Variants in AGAP1 observed in about 807,000 individuals in gnomAD.
AGAP1 encodes the protein ArfGAP with GTPase domain, ankyrin repeat and PH domain 1.
Under a neutral mutation model 105.3 loss-of-function variants are expected in AGAP1, and 29 were observed. The ratio of observed to expected loss-of-function variants is 0.28; its 90% confidence interval spans 0.21 to 0.38. The LOEUF (loss-of-function observed/expected upper bound fraction) is 0.38. Among genes scored for constraint, AGAP1 ranks in the 10% least tolerant of loss-of-function variants. AGAP1 has a pLI of 1.00. For missense variants in AGAP1, 998 were observed against 1,165.1 expected, an observed-to-expected ratio of 0.86 and a Z score of 2.09; for synonymous variants, 509 against 485.9, an observed-to-expected ratio of 1.05 and a Z score of -0.63.
intron 1 of AGAP1, among the ~76,000 whole-genome samples, chr2:235,661,427 G>C (rs1190510707): frequency 6.6e-6 from 1 of 152,046 alleles, no homozygotes; most frequent in Admixed American, 6.5e-5. Flanking sequence ...AGGACATTGA[G>C]GGAGCTCTGA....
At chr2:236,039,054 AC>A (rs1254044868) in intron 14 of AGAP1, among the ~76,000 whole-genome samples, 29 of 152,344 alleles carry the variant, frequency 1.9e-4, no homozygotes, top group East Asian at 1.5e-3. Context: ...AAGAATTCTT[AC>A]GCAAAAATCA....
At chr2:235,704,122 C>T (rs2149489044) in intron 1 of AGAP1, among the ~76,000 whole-genome samples, 1 of 152,302 alleles carries the variant, frequency 6.6e-6, no homozygotes, top group South Asian at 2.1e-4. Context: ...CTGGGATGGG[C>T]AGGGCCAGGT....
chr2:235,998,917 T>C (rs191630928), intron 13 of AGAP1, among the ~76,000 whole-genome samples: 1 of 149,180 alleles, frequency 6.7e-6, no homozygotes, highest in East Asian at 2.0e-4. Context: ...ATGACGATGA[T>C]AGTATGATGA....
At chr2:236,086,574 T>C (rs538355353) in intron 16 of AGAP1, among the ~76,000 whole-genome samples, 10 of 152,362 alleles carry the variant, frequency 6.6e-5, no homozygotes, top group African/African-American at 2.4e-4. Context: ...TAGCTGGAAG[T>C]CTCATCCAAA....
At chr2:235,512,016 A>C (rs969730333) in intron 1 of AGAP1, among the ~76,000 whole-genome samples, 1 of 74,338 alleles carries the variant, frequency 1.3e-5, no homozygotes. Context: ...GACTGTGTGA[A>C]TGTGTGAGGT....
intron 16 of AGAP1, among the ~76,000 whole-genome samples, chr2:236,068,685 A>T (rs1238355672): frequency 6.7e-6 from 1 of 149,186 alleles, no homozygotes; most frequent in African/African-American, 2.5e-5. Context: ...CTGTAGTCCC[A>T]GCTACTCAGG....
In AGAP1 at chr2:235,955,792, C is replaced by T. The variant is rs533651671; in HGVS notation, c.1484-12670C>T. On this transcript the variant is annotated intron_variant, in intron 12 of 17. Transcript: ENST00000304032. ...AGTAGATAAGAGCAGGGATGTACTT[C>T]GAAGCAGCGGCCTGAGTTTGGTGTA... Among the ~76,000 whole-genome samples the T allele has an allele frequency of 8.5e-5, 13 of 152,206 alleles. No homozygotes were observed. In the East Asian group the frequency reaches 1.2e-3, roughly 14 times the overall value.
Position 236,089,454 on chromosome 2 carries a change from G to A in AGAP1, c.2115-30738G>A, listed in dbSNP as rs542393360. ...GAGATAAAGCGCCTACTAGGCTGCC[G>A]GGTACTGGCAGAAGAGAGTGAGCGT... On this transcript the variant is annotated intron_variant, in intron 16 of 17. Transcript: ENST00000304032. This position sits in a 1 kb window ranked among gnomAD's most constrained non-coding sequence, Gnocchi z 5.6. Among the ~76,000 whole-genome samples the A allele has an allele frequency of 4.6e-5, 7 of 152,310 alleles. No homozygotes were observed. In the South Asian group the frequency reaches 1.2e-3, roughly 27 times the overall value.
chr2:235,989,836 C>G lies in AGAP1; in HGVS notation c.1645+21213C>G, dbSNP rs910982258. Among the ~76,000 whole-genome samples the G allele has an allele frequency of 6.6e-6, 1 of 152,028 alleles. No individual in the cohort carries two copies. Among genetic ancestry groups the G allele is most frequent in the African/African-American group, 2.4e-5 (1 of 41,378 alleles). On this transcript the variant is annotated intron_variant, in intron 13 of 17. Coordinates refer to ENST00000304032, the MANE Select transcript of AGAP1 (RefSeq NM_001037131.3). The surrounding 1 kb of genome is among the most constrained non-coding windows in gnomAD (Gnocchi z 4.4). ...AGCAGCTCACAGGGAGGGACAGCCT[C>G]GGAAGAGGAAATCCATGCGTCTTCC...
Position 235,729,562 on chromosome 2 carries a change from T to G in AGAP1, c.311-11401T>G, listed in dbSNP as rs1951831430. Among the ~76,000 whole-genome samples the G allele has an allele frequency of 6.6e-6, 1 of 152,124 alleles. No individual in the cohort carries two copies. The highest frequency in any genetic ancestry group is 2.4e-5 in the African/African-American group (1 of 41,394). On this transcript the variant is annotated intron_variant, in intron 3 of 17. Transcript: ENST00000304032. The surrounding 1 kb of genome is among the most constrained non-coding windows in gnomAD (Gnocchi z 5.0). ...GAGAGGCTGGACCGGGTCTTGGTGC[T>G]TTCCAGCTCAGGGCGTTGGTCCACT...
In AGAP1 at chr2:235,875,660, T is replaced by C. The variant is rs2049689902; in HGVS notation, c.1051-7685T>C. Reference sequence around the variant, plus strand: ...GCTTTCCCGGGAGTGTGTGGTCTCCTGTTTCCCATCTGCATTTGCTTATGG... The same window carrying C: ...GCTTTCCCGGGAGTGTGTGGTCTCCCGTTTCCCATCTGCATTTGCTTATGG... On this transcript the variant is annotated intron_variant, in intron 9 of 17. Coordinates refer to ENST00000304032, the MANE Select transcript of AGAP1 (RefSeq NM_001037131.3). The surrounding 1 kb of genome is among the most constrained non-coding windows in gnomAD (Gnocchi z 4.0). Among the ~76,000 whole-genome samples the C allele has an allele frequency of 6.6e-6, 1 of 152,174 alleles. No homozygotes were observed. Among genetic ancestry groups the C allele is most frequent in the Admixed American group, 6.5e-5 (1 of 15,284 alleles).
intron 1 of AGAP1, among the ~76,000 whole-genome samples, chr2:235,603,317 CTT>C (rs772075777): frequency 1.3e-5 from 2 of 152,184 alleles, no homozygotes; most frequent in Non-Finnish European, 2.9e-5. Context: ...CATTAAACCT[CTT>C]TTTGTTTATA....
chr2:235,753,671 G>A lies in AGAP1; in HGVS notation c.673+3183G>A, dbSNP rs930333936. ...CAGTCAGCTGAGATTGCACAATTGC[G>A]CTCCATCCTGGGTGACAGAGCGAGA... On this transcript the variant is annotated intron_variant, in intron 6 of 17. Coordinates refer to ENST00000304032, the MANE Select transcript of AGAP1 (RefSeq NM_001037131.3). This position sits in a 1 kb window ranked among gnomAD's most constrained non-coding sequence, Gnocchi z 4.5. Among the ~76,000 whole-genome samples, 11 of 150,758 alleles carry A rather than the reference G, an allele frequency of 7.3e-5. No individual in the cohort carries two copies. Among genetic ancestry groups the A allele is most frequent in the Admixed American group, 4.0e-4 (6 of 15,134 alleles).
At chr2:235,834,092 G>A (rs1412448308) in intron 9 of AGAP1, among the ~76,000 whole-genome samples, 1 of 151,492 alleles carries the variant, frequency 6.6e-6, no homozygotes, top group African/African-American at 2.4e-5. Context: ...TGCAGTCCAC[G>A]GGCACACTGA....
At chr2:235,702,909 T>C (rs1204850525) in intron 1 of AGAP1, among the ~76,000 whole-genome samples, 1 of 148,198 alleles carries the variant, frequency 6.7e-6, no homozygotes, top group African/African-American at 2.5e-5. Flanking sequence ...GTGGAGTTAG[T>C]GGTCACTGTG....
rs112425852 is a variant in AGAP1 at position 235,755,521 on chromosome 2, G to T, written c.673+5033G>T. The stretch of plus-strand genomic sequence containing the variant: ...AGTGGCACGATCTAGACTCACTACA[G>T]CCTCTACCTCCCGGGTTCAAGCAGT... On this transcript the variant is annotated intron_variant, in intron 6 of 17. Coordinates refer to ENST00000304032, the MANE Select transcript of AGAP1 (RefSeq NM_001037131.3). Among the ~76,000 whole-genome samples, 751 of 152,220 alleles carry T rather than the reference G, an allele frequency of 4.9e-3. 3 individuals are homozygous for T. Among genetic ancestry groups the T allele is most frequent in the Admixed American group, 8.8e-3 (134 of 15,292 alleles).
intron 6 of AGAP1, among the ~76,000 whole-genome samples, chr2:235,783,988 G>A (rs921195678): frequency 2.0e-5 from 3 of 147,952 alleles, no homozygotes; most frequent in Admixed American, 7.5e-5. Flanking sequence ...ACGGATGGAC[G>A]GACGGATGGA....
chr2:236,124,818 A>G lies in AGAP1; in HGVS notation c.*696A>G, dbSNP rs1029234810. On this transcript the variant is annotated 3_prime_UTR_variant, in exon 18 of 18. Transcript: ENST00000304032. The surrounding 1 kb of genome is among the most constrained non-coding windows in gnomAD (Gnocchi z 5.1). ...CGGTGATTGCCACGATGTGATTGCA[A>G]TACTCTTAGAAGCACCATATTATCC... 1.6e-4 allele frequency: 24 copies of G among 153,936 alleles called. No homozygotes were observed. Among genetic ancestry groups the G allele is most frequent in the Admixed American group, 1.9e-4 (3 of 15,502 alleles). The allele number at this position is 153,936 out of a possible 1,614,324, so 9.5% of individuals were successfully genotyped here.
In AGAP1 at chr2:235,662,394, G is replaced by A. The variant is rs1947986902; in HGVS notation, c.164-46785G>A. On this transcript the variant is annotated intron_variant, in intron 1 of 17. Coordinates refer to ENST00000304032, the MANE Select transcript of AGAP1 (RefSeq NM_001037131.3). This position sits in a 1 kb window ranked among gnomAD's most constrained non-coding sequence, Gnocchi z 4.2. The stretch of plus-strand genomic sequence containing the variant: ...GTCTCACCTTCAGCCACACTCCTAG[G>A]GACAGAGTGCGTCCATGGAGGGGAG... Among the ~76,000 whole-genome samples the A allele has an allele frequency of 6.6e-6, 1 of 152,204 alleles. No individual in the cohort carries two copies. Among genetic ancestry groups the A allele is most frequent in the Non-Finnish European group, 1.5e-5 (1 of 68,044 alleles).
Sources: allele counts gnomAD v4.1 joint callset (sites outside exome capture counted in the v4.1 genomes callset), GRCh38; gene constraint gnomAD v4.1.1; non-coding constraint Gnocchi (gnomAD v3.1); transcripts MANE v1.5; gene names NCBI Gene and HGNC (gene_info 2026-07-23, HGNC 2026-07-21).